NEGR1: variants seen among roughly 807,000 people sequenced by gnomAD.
NEGR1 encodes neuronal growth regulator 1.
In NEGR1, 10 loss-of-function variants were observed where a neutral mutation model predicts 40.9. The observed-to-expected ratio is 0.24, with a 90% CI of 0.15 to 0.42. The LOEUF is 0.42. Ranked by LOEUF, NEGR1 falls within the 10% of genes least tolerant of loss-of-function variation. The pLI is 1.00. For missense variants in NEGR1, 352 were observed against 438.9 expected, an observed-to-expected ratio of 0.80 and a Z score of 1.77; for synonymous variants, 185 against 166.8, an observed-to-expected ratio of 1.11 and a Z score of -0.84.
At chr1:71,868,613 T>G (rs142469975) in intron 2 of NEGR1, among the ~76,000 whole-genome samples, 1,672 of 152,250 alleles carry the variant, frequency 0.011, 22 homozygotes, top group Middle Eastern at 0.051. Context: ...CTTTAATTAC[T>G]TCATGGAAAA....
chr1:71,622,142 C>A (rs1349969635), intron 4 of NEGR1, among the ~76,000 whole-genome samples: 1 of 151,926 alleles, frequency 6.6e-6, no homozygotes, highest in Non-Finnish European at 1.5e-5. Flanking sequence ...GGGCCACCAG[C>A]TGTATCAACA....
At chr1:71,980,694 C>T (rs1421465265) in intron 1 of NEGR1, among the ~76,000 whole-genome samples, 57 of 152,104 alleles carry the variant, frequency 3.7e-4, no homozygotes, top group Admixed American at 3.7e-3. Flanking sequence ...GGCTCAACCT[C>T]AGTATCACAA....
At chr1:72,184,208 A>G (rs1652523549) in intron 1 of NEGR1, among the ~76,000 whole-genome samples, 1 of 152,124 alleles carries the variant, frequency 6.6e-6, no homozygotes, top group Non-Finnish European at 1.5e-5. Flanking sequence ...CAAGAATAAA[A>G]GAAACAGAGA....
intron 6 of NEGR1, among the ~76,000 whole-genome samples, chr1:71,453,212 T>C (rs1189586518): frequency 6.6e-6 from 1 of 152,158 alleles, no homozygotes; most frequent in Non-Finnish European, 1.5e-5. Context: ...GTTTTATGGA[T>C]TCAGGGAGCA....
At chr1:71,575,565 C>T (rs1648936583) in intron 6 of NEGR1, among the ~76,000 whole-genome samples, 1 of 152,124 alleles carries the variant, frequency 6.6e-6, no homozygotes, top group African/African-American at 2.4e-5. Flanking sequence ...GGGTGGATCA[C>T]GAGGTCAGGA....
At chr1:71,544,252 G>T (rs1647813508) in intron 6 of NEGR1, among the ~76,000 whole-genome samples, 1 of 151,544 alleles carries the variant, frequency 6.6e-6, no homozygotes, top group Non-Finnish European at 1.5e-5. Context: ...TATTAGTTTT[G>T]CATCAAAAGT....
In NEGR1 at chr1:72,162,584, T is replaced by G. The variant is rs547277252; in HGVS notation, c.176+119735A>C. ...AAAACTGCCATGCTTAGTAAAGCAGTGACATCTTTGTGTCACACATATAGC... is the reference window on the plus strand; with the variant it reads ...AAAACTGCCATGCTTAGTAAAGCAGGGACATCTTTGTGTCACACATATAGC... On this transcript the variant is annotated intron_variant, in intron 1 of 6. Transcript: ENST00000357731. Among the ~76,000 whole-genome samples, 16 of 152,308 alleles carry G rather than the reference T, an allele frequency of 1.1e-4. No individual in the cohort carries two copies. The South Asian group carries it at 3.3e-3, about 32-fold the overall frequency.
At chr1:71,517,593 A>T (rs1647127360) in intron 6 of NEGR1, among the ~76,000 whole-genome samples, 1 of 145,664 alleles carries the variant, frequency 6.9e-6, no homozygotes, top group South Asian at 2.2e-4. Context: ...AATAAGAGCT[A>T]TCTATGACAA....
rs181502512 is a variant in NEGR1, at chr1:72,204,456, T to C, written c.176+77863A>G. 1.4e-3 allele frequency among the ~76,000 whole-genome samples: 212 copies of C among 152,228 alleles called. 3 individuals carry two copies. The highest frequency in any genetic ancestry group is 0.013 in the Admixed American group (199 of 15,254). On this transcript the variant is annotated intron_variant, in intron 1 of 6. Coordinates refer to ENST00000357731, the MANE Select transcript of NEGR1 (RefSeq NM_173808.3). ...ATACAGCCATTTCAGTCAATAGTCA[T>C]CGTATCAGTAGAACTTCTGTGTTTC...
At chr1:72,258,877 T>C (rs1007719129) in intron 1 of NEGR1, among the ~76,000 whole-genome samples, 1 of 152,168 alleles carries the variant, frequency 6.6e-6, no homozygotes, top group Non-Finnish European at 1.5e-5. Flanking sequence ...TTCTTTTAGT[T>C]TGCTTACTAA....
At chr1:72,129,922 T>G (rs745851895) in intron 1 of NEGR1, among the ~76,000 whole-genome samples, 6 of 152,160 alleles carry the variant, frequency 3.9e-5, no homozygotes, top group Admixed American at 1.3e-4. Context: ...CACCATTGCC[T>G]TTGCCCAGAT....
At position 71,473,929 on chromosome 1, in the gene NEGR1, T is replaced by C. The variant is rs577043652; in HGVS notation, c.941-66359A>G. Among the ~76,000 whole-genome samples the C allele has an allele frequency of 6.2e-4, 94 of 152,224 alleles. 1 individual carries two copies. Among genetic ancestry groups the C allele is most frequent in the African/African-American group, 2.2e-3 (91 of 41,542 alleles). ...AATTTTGGAAGCTGCATTTGGTCTT[T>C]AGTTCCTGCTGGAAATAGATGTCTT... On this transcript the variant is annotated intron_variant, in intron 6 of 6. Transcript: ENST00000357731.
At chr1:72,176,809 G>A (rs72682731) in intron 1 of NEGR1, among the ~76,000 whole-genome samples, 2,210 of 152,118 alleles carry the variant, frequency 0.015, 30 homozygotes, top group Middle Eastern at 0.027. Flanking sequence ...TATGCCAGGG[G>A]AGATCAATGC....
chr1:71,783,894 C>T (rs940070027), intron 2 of NEGR1, among the ~76,000 whole-genome samples: 2 of 151,848 alleles, frequency 1.3e-5, no homozygotes, highest in African/African-American at 4.8e-5. Context: ...TTTATTAAGC[C>T]CCATCTCAGG....
intron 1 of NEGR1, among the ~76,000 whole-genome samples, chr1:72,270,590 C>T (rs900624372): frequency 3.3e-5 from 5 of 151,858 alleles, no homozygotes; most frequent in South Asian, 2.1e-4. Flanking sequence ...CACCAGCTGT[C>T]GTATCTTCCA....
chr1:72,267,836 A>G (rs1286038151), intron 1 of NEGR1, among the ~76,000 whole-genome samples: 1 of 151,346 alleles, frequency 6.6e-6, no homozygotes, highest in Non-Finnish European at 1.5e-5. Flanking sequence ...AATGATGGTA[A>G]GAAGATTATG....
chr1:71,602,052 A>T (rs1034791188), intron 5 of NEGR1, among the ~76,000 whole-genome samples: 6 of 152,006 alleles, frequency 3.9e-5, no homozygotes, highest in African/African-American at 1.4e-4. Context: ...TAGCTTTCCA[A>T]TACTTCTGGA....
chr1:71,738,614 A>G (rs1257292043), intron 3 of NEGR1, among the ~76,000 whole-genome samples: 2 of 152,050 alleles, frequency 1.3e-5, no homozygotes, highest in African/African-American at 4.8e-5. Flanking sequence ...CCTGCTTTCC[A>G]TAAGAAGGGA....
chr1:72,025,408 C>T (rs1220073440), intron 1 of NEGR1, among the ~76,000 whole-genome samples: 1 of 152,114 alleles, frequency 6.6e-6, no homozygotes, highest in Non-Finnish European at 1.5e-5. Flanking sequence ...ATTTTAAGTA[C>T]TTCAGTACTA....
Sources: allele counts gnomAD v4.1 joint callset (sites outside exome capture counted in the v4.1 genomes callset), GRCh38; gene constraint gnomAD v4.1.1; transcripts MANE v1.5; gene names NCBI Gene and HGNC (gene_info 2026-07-23, HGNC 2026-07-21).